Variants in PWWP3B observed in about 807,000 individuals in gnomAD.
The protein encoded by PWWP3B is PWWP domain containing 3B, also known as PWWP domain-containing DNA repair factor 3B.
Under a neutral mutation model 15.7 loss-of-function variants are expected in PWWP3B, and 5 were observed. The observed-to-expected ratio is 0.32, with a 90% CI of 0.17 to 0.67. PWWP3B has a LOEUF of 0.67. PWWP3B is among the 30% of genes least tolerant of loss of function. The pLI is 0.74. For missense variants in PWWP3B, 519 were observed against 493.1 expected (o/e 1.05, Z -0.50); for synonymous variants, 203 against 179.8 (o/e 1.13, Z -1.03).
At chrX:106,178,757 G>A (rs1049825603) in intron 2 of PWWP3B, among the ~76,000 whole-genome samples, 1 of 111,790 alleles carries the variant, frequency 8.9e-6, no homozygotes, top group African/African-American at 3.2e-5. Context: ...GCATTCATAC[G>A]TTTATGTAAA....
chrX:106,206,147 C>T lies in PWWP3B; in HGVS notation c.715C>T (p.Pro239Ser), dbSNP rs758641840. The change falls in exon 4 of 4, where the codon CCT becomes TCT. Residue 239 changes from proline (P) to serine (S), a missense_variant. By Grantham distance (74) the Pro-to-Ser change is moderately conservative. Coordinates refer to ENST00000357175, the MANE Select transcript of PWWP3B (RefSeq NM_001171020.2). ...ACVKDEKFAP[P>S]LSPLSSDMLI... Reference sequence around the variant, plus strand: ...TGTTAAAGATGAAAAGTTTGCTCCACCTTTGTCACCTTTGTCATCAGATAT... The same window carrying T: ...TGTTAAAGATGAAAAGTTTGCTCCATCTTTGTCACCTTTGTCATCAGATAT... 10 of 1,208,294 alleles carry T rather than the reference C, an allele frequency of 8.3e-6. No individual in the cohort carries two copies. The East Asian group carries it at 2.1e-4, about 25-fold the overall frequency.
In PWWP3B at chrX:106,205,312, A is replaced by T; in HGVS notation, c.-121A>T. ...GCCACACAAGCTGTAAACCCTTTGT[A>T]GTCATAAGACGAAAGAGGATTTGTT... On this transcript the variant is annotated 5_prime_UTR_variant, in exon 4 of 4. Transcript: ENST00000357175. The T allele has an allele frequency of 1.5e-6, 1 of 679,619 alleles. No individual in the cohort carries two copies. The highest frequency in any genetic ancestry group is 2.1e-6 in the Non-Finnish European group (1 of 471,158). The allele number at this position is 679,619 out of a possible 1,213,427, so 56.0% of individuals were successfully genotyped here. A position where few individuals can be genotyped will look rare whatever the true frequency, so the allele number is the denominator to read the frequency against.
intron 2 of PWWP3B, among the ~76,000 whole-genome samples, chrX:106,199,396 G>A (rs1439287148): frequency 9.0e-6 from 1 of 111,351 alleles, no homozygotes; most frequent in Non-Finnish European, 1.9e-5. Flanking sequence ...TTTTGTTCTA[G>A]TACTAGAAAA....
At chrX:106,177,927 C>A (rs1160920313) in intron 2 of PWWP3B, among the ~76,000 whole-genome samples, 1 of 112,017 alleles carries the variant, frequency 8.9e-6, no homozygotes, top group African/African-American at 3.2e-5. Flanking sequence ...TTTTTAAAAT[C>A]TATTTTTCAC....
At chrX:106,201,973 G>T (rs1327238210) in intron 2 of PWWP3B, among the ~76,000 whole-genome samples, 1 of 112,050 alleles carries the variant, frequency 8.9e-6, no homozygotes, top group Non-Finnish European at 1.9e-5. Flanking sequence ...GGGGTGATCA[G>T]ATTACAGCCT....
At chrX:106,193,296 G>A (rs745650006) in intron 2 of PWWP3B, among the ~76,000 whole-genome samples, 128 of 111,132 alleles carry the variant, frequency 1.2e-3, no homozygotes, top group African/African-American at 3.7e-3. Context: ...TTATGTAATG[G>A]CCTTCTTTGT....
intron 2 of PWWP3B, among the ~76,000 whole-genome samples, chrX:106,188,839 C>G (rs1467043543): frequency 8.9e-6 from 1 of 112,484 alleles, no homozygotes; most frequent in African/African-American, 3.2e-5. Context: ...TTGCATATAT[C>G]AGTAATTTAT....
chrX:106,183,980 A>G (rs1418278632), intron 2 of PWWP3B, among the ~76,000 whole-genome samples: 6 of 111,574 alleles, frequency 5.4e-5, no homozygotes, highest in Non-Finnish European at 1.1e-4. Context: ...TTGTTGGACA[A>G]TCTTTTTTAA....
At chrX:106,202,246 T>G (rs1435065141) in intron 2 of PWWP3B, among the ~76,000 whole-genome samples, 1 of 111,909 alleles carries the variant, frequency 8.9e-6, no homozygotes, top group African/African-American at 3.2e-5. Context: ...TACTTGCACA[T>G]AATATATGCA....
intron 2 of PWWP3B, among the ~76,000 whole-genome samples, chrX:106,178,276 ATGAACAGT>A (rs1386872286): frequency 5.3e-5 from 6 of 112,367 alleles, no homozygotes; most frequent in African/African-American, 1.9e-4. Context: ...GTTTATTTCT[ATGAACAGT>A]TTTAAACGTA....
At chrX:106,184,087 A>G (rs1922367273) in intron 2 of PWWP3B, among the ~76,000 whole-genome samples, 1 of 111,637 alleles carries the variant, frequency 9.0e-6, no homozygotes, top group Non-Finnish European at 1.9e-5. Context: ...GTTTGTCTGA[A>G]GGCCATGACT....
Position 106,207,037 on chromosome X carries a change from G to A in PWWP3B, c.1605G>A (p.Met535Ile). 8.3e-7 allele frequency: 1 copy of A among 1,208,532 alleles called. No homozygotes were observed. The highest frequency in any genetic ancestry group is 3.0e-5 in the East Asian group (1 of 33,795). ...PMAVTSQTKK[M>I]SFQKILPDRM... ...CTGTAACTTCCCAGACCAAGAAAATGTCCTTCCAAAAAATTCTCCCTGACC... is the reference window on the plus strand; with the variant it reads ...CTGTAACTTCCCAGACCAAGAAAATATCCTTCCAAAAAATTCTCCCTGACC... The change falls in exon 4 of 4, where the codon ATG (methionine) becomes ATA (isoleucine). Residue 535 changes from methionine (M) to isoleucine (I), a missense_variant. Physicochemically the swap from Met to Ile is conservative, Grantham distance 10 (BLOSUM62 1). Coordinates refer to ENST00000357175, the MANE Select transcript of PWWP3B (RefSeq NM_001171020.2).
chrX:106,194,170 A>G (rs1445013369), intron 2 of PWWP3B, among the ~76,000 whole-genome samples: 1 of 111,725 alleles, frequency 9.0e-6, no homozygotes, highest in African/African-American at 3.3e-5. Flanking sequence ...CGTCACTTTC[A>G]GGTACACCAA....
chrX:106,191,181 G>A (rs1310391843), intron 2 of PWWP3B, among the ~76,000 whole-genome samples: 1 of 110,949 alleles, frequency 9.0e-6, no homozygotes, highest in African/African-American at 3.3e-5. Flanking sequence ...CCATGAGCAT[G>A]GAATGTTCTT....
chrX:106,185,612 A>T (rs56865927), intron 2 of PWWP3B, among the ~76,000 whole-genome samples: 10,481 of 111,450 alleles, frequency 0.094, 1,210 homozygotes, highest in African/African-American at 0.32. Context: ...TCCTCATAGA[A>T]CACAAAGAGG....
intron 2 of PWWP3B, among the ~76,000 whole-genome samples, chrX:106,185,978 G>A (rs1428164778): frequency 3.6e-5 from 4 of 111,795 alleles, no homozygotes; most frequent in Non-Finnish European, 7.5e-5. Context: ...TCTGATTGGT[G>A]AGCCCAGGTG....
chrX:106,199,584 A>G (rs918921096), intron 2 of PWWP3B, among the ~76,000 whole-genome samples: 5 of 110,798 alleles, frequency 4.5e-5, no homozygotes, highest in South Asian at 7.7e-4. Context: ...ACTCTCTATC[A>G]TGATCAAATT....
At chrX:106,202,007 A>G (rs776746282) in intron 2 of PWWP3B, among the ~76,000 whole-genome samples, 1 of 112,213 alleles carries the variant, frequency 8.9e-6, no homozygotes, top group African/African-American at 3.2e-5. Context: ...TCAGTGCAGC[A>G]TGACTGTTCC....
rs1356309435 is a variant in PWWP3B at position 106,193,211 on chromosome X, A to G, written c.-400-10774A>G. On this transcript the variant is annotated intron_variant, in intron 2 of 3. Coordinates refer to ENST00000357175, the MANE Select transcript of PWWP3B (RefSeq NM_001171020.2). The stretch of plus-strand genomic sequence containing the variant: ...AGGTCACTAAGGACTTGCTTTATGA[A>G]TCTGGGTGCTCCTGTATTGGGTGCA... Among the ~76,000 whole-genome samples the G allele has an allele frequency of 2.7e-5, 3 of 111,149 alleles. No individual in the cohort carries two copies. The East Asian group carries it at 8.6e-4, about 32-fold the overall frequency.
Sources: gnomAD v4.1 joint callset for allele counts (sites outside exome capture counted in the v4.1 genomes callset) on GRCh38, gnomAD v4.1.1 for gene constraint, MANE v1.5 for transcripts, NCBI Gene and HGNC (gene_info 2026-07-23, HGNC 2026-07-21) for gene names.